WNT3A: variants seen among roughly 807,000 people sequenced by gnomAD.
WNT3A encodes the protein protein Wnt-3a.
WNT3A carries 17 observed loss-of-function variants against 37.0 expected under a neutral mutation model. That is an observed-to-expected ratio of 0.46 (90% CI 0.31 to 0.69). The LOEUF is 0.69. WNT3A is among the 30% of genes least tolerant of loss of function. The probability of loss-of-function intolerance (pLI) is 0.05; values close to 1 mark genes in which losing one functional copy is unlikely to be tolerated. For synonymous variants in WNT3A, 187 were observed against 211.0 expected, an observed-to-expected ratio of 0.89 and a Z score of 0.99; for missense variants, 411 against 510.2, an observed-to-expected ratio of 0.81 and a Z score of 1.87.
At position 228,008,274 on chromosome 1, in the gene WNT3A, C is replaced by T. The variant is rs1040712153; in HGVS notation, c.71+1075C>T. On this transcript the variant is annotated intron_variant, in intron 1 of 3. Transcript: ENST00000284523. The surrounding 1 kb of genome is among the most constrained non-coding windows in gnomAD (Gnocchi z 4.9). ...AGAAGCCTCCCCACAAGCATGCACA[C>T]TCCCCCCCATCCTTCTCCGACGGCA... Among the ~76,000 whole-genome samples, 1 of 152,232 alleles carries T rather than the reference C, an allele frequency of 6.6e-6. No individual in the cohort carries two copies. The highest frequency in any genetic ancestry group is 2.4e-5 in the African/African-American group (1 of 41,464).
intron 3 of WNT3A, among the ~76,000 whole-genome samples, chr1:228,053,985 C>T (rs998329571): frequency 6.6e-6 from 1 of 152,138 alleles, no homozygotes; most frequent in Non-Finnish European, 1.5e-5. Flanking sequence ...AGTCTGGTAC[C>T]TGGGGTAGCT....
At chr1:228,018,470 G>A (rs2030594437) in intron 1 of WNT3A, among the ~76,000 whole-genome samples, 1 of 151,290 alleles carries the variant, frequency 6.6e-6, no homozygotes, top group South Asian at 2.1e-4. Context: ...AGAGCTCACT[G>A]TGGCCTTGTC....
intron 2 of WNT3A, 68 bp downstream of exon 2, chr1:228,022,976 C>A: frequency 6.5e-7 from 1 of 1,541,360 alleles, no homozygotes; most frequent in Non-Finnish European, 8.8e-7. Flanking sequence ...CTAGCGCTGC[C>A]TGACATTCTC....
Position 228,038,812 on chromosome 1 carries a change from C to T in WNT3A, c.314-11844C>T, listed in dbSNP as rs2031205619. The stretch of plus-strand genomic sequence containing the variant: ...TGGAGTACAGGGAGACTGCTCCTCA[C>T]TGGTGCATGGAAAGGGCTGGCAGAT... On this transcript the variant is annotated intron_variant, in intron 2 of 3. Coordinates refer to ENST00000284523, the MANE Select transcript of WNT3A (RefSeq NM_033131.4). The surrounding 1 kb of genome is among the most constrained non-coding windows in gnomAD (Gnocchi z 5.7). Among the ~76,000 whole-genome samples, 1 of 152,200 alleles carries T rather than the reference C, an allele frequency of 6.6e-6. No homozygotes were observed. The highest frequency in any genetic ancestry group is 1.5e-5 in the Non-Finnish European group (1 of 68,040).
At chr1:228,055,178 AAATATAT>A (rs1260348530) in intron 3 of WNT3A, among the ~76,000 whole-genome samples, 8 of 46,984 alleles carry the variant, frequency 1.7e-4, no homozygotes, top group African/African-American at 6.8e-4. Context: ...AAAAAAAAAA[AAATATAT>A]ATATATATAT....
chr1:228,010,439 C>T (rs577118341), intron 1 of WNT3A, among the ~76,000 whole-genome samples: 12 of 152,322 alleles, frequency 7.9e-5, no homozygotes, highest in South Asian at 4.1e-4. Context: ...GTGGCACTCC[C>T]GCCACGGCCA....
intron 2 of WNT3A, among the ~76,000 whole-genome samples, chr1:228,046,718 A>G (rs1020179050): frequency 1.4e-5 from 2 of 141,834 alleles, no homozygotes; most frequent in Non-Finnish European, 1.5e-5. Flanking sequence ...GCATGTGTAT[A>G]TGTGTTCATG....
intron 2 of WNT3A, among the ~76,000 whole-genome samples, chr1:228,027,430 C>T (rs1388477150): frequency 6.6e-6 from 1 of 152,156 alleles, no homozygotes; most frequent in Non-Finnish European, 1.5e-5. Flanking sequence ...ACATCCATAC[C>T]AACATCTATT....
At chr1:228,021,500 C>T (rs866599493) in intron 1 of WNT3A, among the ~76,000 whole-genome samples, 14 of 152,260 alleles carry the variant, frequency 9.2e-5, no homozygotes, top group Middle Eastern at 6.8e-3. Context: ...CTCCTCCCCA[C>T]GTGCTCACGG....
At position 228,060,340 on chromosome 1, in the gene WNT3A, C is replaced by T; in HGVS notation, c.*875C>T. 7.5e-7 allele frequency: 1 copy of T among 1,328,416 alleles called. No homozygotes were observed. Among genetic ancestry groups the T allele is most frequent in the Non-Finnish European group, 1.0e-6 (1 of 1,001,526 alleles). 82.3% of individuals were successfully genotyped at this position (1,328,416 alleles called of 1,614,324 possible). On this transcript the variant is annotated 3_prime_UTR_variant, in exon 4 of 4. Coordinates refer to ENST00000284523, the MANE Select transcript of WNT3A (RefSeq NM_033131.4). ...GTCCCCAACCCGTGCCCCTGGGATC[C>T]GAGGGCCCCTCTCCAAGCGCCTGGC...
Position 228,008,533 on chromosome 1 carries a change from A to G in WNT3A, c.71+1334A>G, listed in dbSNP as rs1311930912. ...GCTTCGGGGACCCCCGCGCGCCCCT[A>G]TTTCCGCGTGCCCCATTTCCCGTGC... On this transcript the variant is annotated intron_variant, in intron 1 of 3. Transcript: ENST00000284523. The surrounding 1 kb of genome is among the most constrained non-coding windows in gnomAD (Gnocchi z 4.9). Among the ~76,000 whole-genome samples, 1 of 151,880 alleles carries G rather than the reference A, an allele frequency of 6.6e-6. No homozygotes were observed. The highest frequency in any genetic ancestry group is 1.5e-5 in the Non-Finnish European group (1 of 67,958).
rs1200771051 is a variant in WNT3A, at chr1:228,059,220, G to A, written c.814G>A (p.Val272Ile). The change falls in exon 4 of 4, where the codon GTC (valine) becomes ATC (isoleucine). Residue 272 changes from valine to isoleucine, a missense_variant. By Grantham distance (29) the Val-to-Ile change is conservative. Transcript: ENST00000284523. ...YFKVPTERDL[V>I]YYEASPNFCE... ...CAAGGTGCCCACGGAGCGCGACCTGGTCTACTACGAGGCCTCGCCCAACTT... is the reference window on the plus strand; with the variant it reads ...CAAGGTGCCCACGGAGCGCGACCTGATCTACTACGAGGCCTCGCCCAACTT... The A allele has an allele frequency of 1.2e-6, 2 of 1,611,372 alleles. No individual in the cohort carries two copies. The highest frequency in any genetic ancestry group is 1.7e-6 in the Non-Finnish European group (2 of 1,179,728).
In WNT3A at chr1:228,045,831, C is replaced by A. The variant is rs116430903; in HGVS notation, c.314-4825C>A. Among the ~76,000 whole-genome samples, 838 of 152,304 alleles carry A rather than the reference C, an allele frequency of 5.5e-3. 10 individuals carry two copies. The highest frequency in any genetic ancestry group is 0.02 in the Middle Eastern group (6 of 294). On this transcript the variant is annotated intron_variant, in intron 2 of 3. Coordinates refer to ENST00000284523, the MANE Select transcript of WNT3A (RefSeq NM_033131.4). ...GGGTCTGCTCTGGGTAGGCTCAGAC[C>A]CTGCTCATTCCTTGACTCAGCCCAC...
At chr1:228,009,233 C>T (rs2030301030) in intron 1 of WNT3A, among the ~76,000 whole-genome samples, 1 of 152,128 alleles carries the variant, frequency 6.6e-6, no homozygotes. Flanking sequence ...CCTTCTTGAT[C>T]CCCTCTCTGC....
rs544195776 is a variant in WNT3A, at chr1:228,039,260, G to T, written c.314-11396G>T. ...GCATCCCAAGCTCCTAGGAAAGGAG[G>T]TGTCAGCTGCCCCAGGATGGGGCCA... On this transcript the variant is annotated intron_variant, in intron 2 of 3. Coordinates refer to ENST00000284523, the MANE Select transcript of WNT3A (RefSeq NM_033131.4). The surrounding 1 kb of genome is among the most constrained non-coding windows in gnomAD (Gnocchi z 4.1). 5.3e-5 allele frequency among the ~76,000 whole-genome samples: 8 copies of T among 152,284 alleles called. No homozygotes were observed. Among genetic ancestry groups the T allele is most frequent in the African/African-American group, 7.2e-5 (3 of 41,560 alleles).
intron 1 of WNT3A, among the ~76,000 whole-genome samples, chr1:228,022,146 AAGCAC>A (rs1410150025): frequency 6.6e-6 from 1 of 152,232 alleles, no homozygotes; most frequent in African/African-American, 2.4e-5. Flanking sequence ...ACATTGTATT[AAGCAC>A]TTCCTGTATA....
rs770943239 is a variant in WNT3A, at chr1:228,059,233, C to A, written c.827C>A (p.Ala276Asp). Residue 276 changes from alanine to aspartate, a missense_variant, in exon 4 of 4, where the codon GCC becomes GAC. By Grantham distance (126) the Ala-to-Asp change is moderately radical. Coordinates refer to ENST00000284523, the MANE Select transcript of WNT3A (RefSeq NM_033131.4). ...GAGCGCGACCTGGTCTACTACGAGG[C>A]CTCGCCCAACTTCTGCGAGCCCAAC... ...PTERDLVYYE[A>D]SPNFCEPNPE... The A allele has an allele frequency of 2.5e-6, 4 of 1,610,312 alleles. No individual in the cohort carries two copies. The highest frequency in any genetic ancestry group is 1.7e-5 in the Admixed American group (1 of 59,924).
rs747083898 is a variant in WNT3A at position 228,007,174 on chromosome 1, G to A, written c.46G>A (p.Ala16Thr). 13 of 1,604,720 alleles carry A rather than the reference G, an allele frequency of 8.1e-6. 1 individual carries two copies. The South Asian group carries it at 1.2e-4, about 15-fold the overall frequency. ...CTTACTCCTCTGCAGCCTGAAGCAG[G>A]CTCTGGGCAGCTACCCGATCTGGTG... is the stretch of plus-strand genomic sequence containing the variant. ...YFLLLCSLKQALGSYPIWWSL... is the reference protein window; with the variant it reads ...YFLLLCSLKQTLGSYPIWWSL... Residue 16 changes from alanine (A) to threonine (T), a missense_variant, in exon 1 of 4, where the codon GCT becomes ACT. Coordinates refer to ENST00000284523, the MANE Select transcript of WNT3A (RefSeq NM_033131.4). This position sits in a 1 kb window ranked among gnomAD's most constrained non-coding sequence, Gnocchi z 6.0.
Position 228,050,701 on chromosome 1 carries a change from T to C in WNT3A, c.359T>C (p.Val120Ala). The C allele has an allele frequency of 6.2e-7, 1 of 1,613,470 alleles. No homozygotes were observed. The change falls in exon 3 of 4, where the codon GTG (valine) becomes GCG (alanine). Residue 120 changes from valine (V) to alanine (A), a missense_variant. Transcript: ENST00000284523. This position sits in a 1 kb window ranked among gnomAD's most constrained non-coding sequence, Gnocchi z 5.0. ...AFVHAIASAGVAFAVTRSCAE... is the reference protein window; with the variant it reads ...AFVHAIASAGAAFAVTRSCAE... ...GTCCACGCCATTGCCTCAGCCGGTG[T>C]GGCCTTTGCAGTGACACGCTCATGT...
Sources: gnomAD v4.1 joint callset for allele counts (sites outside exome capture counted in the v4.1 genomes callset) on GRCh38, gnomAD v4.1.1 for gene constraint, Gnocchi (gnomAD v3.1) non-coding constraint, MANE v1.5 for transcripts, NCBI Gene and HGNC (gene_info 2026-07-23, HGNC 2026-07-21) for gene names.